GAS2: variants seen among roughly 807,000 people sequenced by gnomAD.
The protein encoded by GAS2 is growth arrest-specific protein 2.
In GAS2, 20 loss-of-function variants were observed where a neutral mutation model predicts 37.5. The observed-to-expected ratio is 0.53, with a 90% confidence interval of 0.37 to 0.77. The LOEUF is 0.77. Ranked by LOEUF, GAS2 falls within the 30% of genes least tolerant of loss-of-function variation. GAS2 has a pLI of 0.00. For missense variants in GAS2, 336 were observed against 373.4 expected, an observed-to-expected ratio of 0.90 and a Z score of 0.82; for synonymous variants, 144 against 132.2, an observed-to-expected ratio of 1.09 and a Z score of -0.61.
At chr11:22,709,362 T>C (rs1463266940) in intron 3 of GAS2, among the ~76,000 whole-genome samples, 1 of 152,196 alleles carries the variant, frequency 6.6e-6, no homozygotes, top group Non-Finnish European at 1.5e-5. Context: ...CCTCAGGGCA[T>C]TCTTTGTAAA....
chr11:22,772,546 T>A (rs1027093949), intron 7 of GAS2, among the ~76,000 whole-genome samples: 7 of 152,212 alleles, frequency 4.6e-5, no homozygotes, highest in African/African-American at 7.2e-5. Flanking sequence ...TGGAATAAAT[T>A]TTTTTTAAAA....
At chr11:22,741,844 ACTGT>A (rs1186644620) in intron 5 of GAS2, among the ~76,000 whole-genome samples, 14 of 152,238 alleles carry the variant, frequency 9.2e-5, no homozygotes, top group African/African-American at 2.9e-4. Flanking sequence ...GAATCTATAA[ACTGT>A]CTGTTATATG....
At chr11:22,649,828 C>A (rs1173188780) in intron 1 of GAS2, among the ~76,000 whole-genome samples, 2 of 151,788 alleles carry the variant, frequency 1.3e-5, no homozygotes, top group South Asian at 2.1e-4. Flanking sequence ...ATTAGTCTTG[C>A]TAGTGGTCTA....
rs114246474 is a variant in GAS2 at position 22,755,524 on chromosome 11, C to G, written c.616-322C>G. 4.4e-3 allele frequency: 811 copies of G among 183,782 alleles called. 5 individuals carry two copies. Among genetic ancestry groups the G allele is most frequent in the African/African-American group, 0.018 (762 of 42,566 alleles). 11.4% of individuals were successfully genotyped at this position (183,782 alleles called of 1,614,324 possible). A position where few individuals can be genotyped will look rare whatever the true frequency, so the allele number is the denominator to read the frequency against. ...CCTTGACAACCCAAATGTGCATGGT[C>G]TTTTTAGTCCTCCAAAAGTAGGAAC... On this transcript the variant is annotated intron_variant, in intron 6 of 7. Coordinates refer to ENST00000454584, the MANE Select transcript of GAS2 (RefSeq NM_001143830.3).
chr11:22,742,441 A>C (rs569389859), intron 5 of GAS2, among the ~76,000 whole-genome samples: 1 of 152,122 alleles, frequency 6.6e-6, no homozygotes, highest in Admixed American at 6.5e-5. Flanking sequence ...GACTAAGTTG[A>C]CTTGCAGGTG....
At chr11:22,673,683 G>A (rs574590581) in intron 1 of GAS2, among the ~76,000 whole-genome samples, 4 of 152,290 alleles carry the variant, frequency 2.6e-5, no homozygotes, top group South Asian at 4.1e-4. Flanking sequence ...GAGGCAGGTG[G>A]ATCACTTGAG....
At chr11:22,636,951 T>G (rs1291771130) in intron 1 of GAS2, among the ~76,000 whole-genome samples, 3 of 141,928 alleles carry the variant, frequency 2.1e-5, no homozygotes, top group African/African-American at 7.7e-5. Flanking sequence ...TAATAATAAA[T>G]TGTTACTATT....
intron 1 of GAS2, among the ~76,000 whole-genome samples, chr11:22,659,982 C>A (rs887149850): frequency 4.6e-5 from 7 of 152,056 alleles, no homozygotes; most frequent in Non-Finnish European, 2.9e-5. Flanking sequence ...AAATAAGTTG[C>A]TTGAAGTTGC....
At chr11:22,704,188 T>A (rs915933972) in intron 3 of GAS2, among the ~76,000 whole-genome samples, 1 of 152,114 alleles carries the variant, frequency 6.6e-6, no homozygotes, top group Admixed American at 6.6e-5. Context: ...TAGATCAGGA[T>A]CACTTAAGTG....
At chr11:22,698,888 A>C (rs141959904) in intron 3 of GAS2, among the ~76,000 whole-genome samples, 48 of 152,248 alleles carry the variant, frequency 3.2e-4, no homozygotes, top group African/African-American at 1.2e-3. Context: ...GTGCTTTGTG[A>C]TGGTTCTAGT....
At chr11:22,670,637 A>G (rs1195385267) in intron 1 of GAS2, among the ~76,000 whole-genome samples, 6 of 152,190 alleles carry the variant, frequency 3.9e-5, no homozygotes, top group Non-Finnish European at 7.4e-5. Flanking sequence ...CATATCGAAT[A>G]TTAAATATAT....
intron 3 of GAS2, among the ~76,000 whole-genome samples, chr11:22,723,847 T>G (rs1272070650): frequency 6.6e-6 from 1 of 151,930 alleles, no homozygotes; most frequent in African/African-American, 2.4e-5. Context: ...CAGCATATTA[T>G]TTTTATAATA....
intron 2 of GAS2, among the ~76,000 whole-genome samples, chr11:22,680,638 G>A (rs1849634597): frequency 6.6e-6 from 1 of 152,036 alleles, no homozygotes. Context: ...GAATGATATT[G>A]TTAGCCATTC....
chr11:22,652,991 T>TTCTTTCTTTCTTTCTTTC (rs769554594), intron 1 of GAS2, among the ~76,000 whole-genome samples: 2 of 6,296 alleles, frequency 3.2e-4, no homozygotes, highest in South Asian at 3.6e-3. Flanking sequence ...CTTTCTTTCT[T>TTCTTTCTTTCTTTCTTTC]TGTCTTTCTT....
rs116332986 is a variant in GAS2, at chr11:22,657,276, G to A, written c.-20-17574G>A. On this transcript the variant is annotated intron_variant, in intron 1 of 5. Coordinates refer to the GAS2 transcript ENST00000528582. ...GAGCCACACAGGGGTTGGGCCCTGG[G>A]ACAGGGTAACAGCAAGCTGGAGCTG... Among the ~76,000 whole-genome samples, 786 of 152,316 alleles carry A rather than the reference G, an allele frequency of 5.2e-3. 3 individuals are homozygous for A. Among genetic ancestry groups the A allele is most frequent in the African/African-American group, 0.018 (730 of 41,566 alleles).
At chr11:22,679,524 C>T (rs1849579005) in intron 2 of GAS2, among the ~76,000 whole-genome samples, 1 of 152,044 alleles carries the variant, frequency 6.6e-6, no homozygotes, top group Non-Finnish European at 1.5e-5. Context: ...TATTCAAATA[C>T]ATTAGGCATA....
At chr11:22,720,591 A>G (rs1376858538) in intron 3 of GAS2, among the ~76,000 whole-genome samples, 1 of 152,058 alleles carries the variant, frequency 6.6e-6, no homozygotes, top group Non-Finnish European at 1.5e-5. Context: ...ATACAGGCGG[A>G]AACATTAATT....
At chr11:22,678,218 G>A (rs1199264560) in intron 2 of GAS2, among the ~76,000 whole-genome samples, 1 of 152,078 alleles carries the variant, frequency 6.6e-6, no homozygotes, top group Non-Finnish European at 1.5e-5. Flanking sequence ...AACATTTGGA[G>A]GTAGAAAAAT....
chr11:22,680,994 A>C (rs761095887), intron 2 of GAS2, among the ~76,000 whole-genome samples: 3 of 152,200 alleles, frequency 2.0e-5, no homozygotes, highest in Non-Finnish European at 4.4e-5. Context: ...TTTCTTGAGA[A>C]GACTCAATAC....
Sources: allele counts gnomAD v4.1 joint callset (sites outside exome capture counted in the v4.1 genomes callset), GRCh38; gene constraint gnomAD v4.1.1; transcripts MANE v1.5; gene names NCBI Gene and HGNC (gene_info 2026-07-23, HGNC 2026-07-21).